RCAN2: variants seen among roughly 807,000 people sequenced by gnomAD.
RCAN2 encodes calcipressin-2.
A neutral mutation model predicts 23.6 loss-of-function variants in RCAN2; 9 were observed. The observed-to-expected ratio is 0.38, with a 90% CI of 0.23 to 0.67. The LOEUF (loss-of-function observed/expected upper bound fraction) is 0.67, where lower values mean the gene tolerates loss of function less well. Ranked by LOEUF, RCAN2 falls within the 30% of genes least tolerant of loss-of-function variation. The pLI is 0.51. For missense variants in RCAN2, 273 were observed against 302.3 expected (o/e 0.90, Z 0.72); for synonymous variants, 109 against 115.7 (o/e 0.94, Z 0.37).
rs1765483425 is a variant in RCAN2, at chr6:46,221,780, A to G, written c.*1361T>C. ...CCACTCCATTGTAATCTGCGTTTGC[A>G]TCTAAAGTAATTCATTAATGTACAG... On this transcript the variant is annotated 3_prime_UTR_variant, in exon 5 of 5. Coordinates refer to ENST00000371374, the MANE Select transcript of RCAN2 (RefSeq NM_001251974.2). 1 of 395,778 alleles carries G rather than the reference A, an allele frequency of 2.5e-6. No individual in the cohort carries two copies. Among genetic ancestry groups the G allele is most frequent in the Non-Finnish European group, 4.5e-6 (1 of 224,600 alleles). The allele number at this position is 395,778 out of a possible 1,614,324, so 24.5% of individuals were successfully genotyped here. A position where few individuals can be genotyped will look rare whatever the true frequency, so the allele number is the denominator to read the frequency against.
intron 4 of RCAN2, among the ~76,000 whole-genome samples, chr6:46,228,102 T>C (rs1765742410): frequency 6.6e-6 from 1 of 152,252 alleles, no homozygotes; most frequent in Admixed American, 6.5e-5. Context: ...AGTTTCTTAA[T>C]CCTGAATTCT....
At chr6:46,362,887 G>T (rs1040778309) in intron 2 of RCAN2, among the ~76,000 whole-genome samples, 1 of 152,164 alleles carries the variant, frequency 6.6e-6, no homozygotes, top group Non-Finnish European at 1.5e-5. Context: ...CTTATCAGGG[G>T]ATGAAGCATT....
chr6:46,447,689 A>G (rs1767754610), intron 2 of RCAN2, among the ~76,000 whole-genome samples: 1 of 151,962 alleles, frequency 6.6e-6, no homozygotes, highest in Admixed American at 6.6e-5. Flanking sequence ...GAACAATAAC[A>G]GAAAGAATTT....
At chr6:46,318,688 A>G (rs1461657214) in intron 2 of RCAN2, among the ~76,000 whole-genome samples, 1 of 152,140 alleles carries the variant, frequency 6.6e-6, no homozygotes, top group Non-Finnish European at 1.5e-5. Flanking sequence ...AGGATCCAGA[A>G]AAAACCTTCT....
intron 2 of RCAN2, among the ~76,000 whole-genome samples, chr6:46,405,436 G>A (rs1766370834): frequency 6.6e-6 from 1 of 152,148 alleles, no homozygotes; most frequent in Non-Finnish European, 1.5e-5. Context: ...GAGCCCAGTG[G>A]CCTGTTTTGT....
chr6:46,358,492 AG>A (rs1414957537), intron 2 of RCAN2, among the ~76,000 whole-genome samples: 3 of 152,100 alleles, frequency 2.0e-5, no homozygotes, highest in Non-Finnish European at 2.9e-5. Flanking sequence ...GCCCAGGAGG[AG>A]GGGGAACATC....
At chr6:46,236,092 C>T (rs997223369) in intron 4 of RCAN2, among the ~76,000 whole-genome samples, 5 of 152,256 alleles carry the variant, frequency 3.3e-5, no homozygotes, top group Admixed American at 1.3e-4. Context: ...CCACTGTTGC[C>T]CCCAAGTAAT....
At chr6:46,488,715 T>C (rs1769060470) in intron 1 of RCAN2, among the ~76,000 whole-genome samples, 1 of 152,192 alleles carries the variant, frequency 6.6e-6, no homozygotes, top group South Asian at 2.1e-4. Flanking sequence ...ACTCCCTCAG[T>C]TAAAAGCCTG....
chr6:46,267,332 A>C (rs1374392477), intron 2 of RCAN2, among the ~76,000 whole-genome samples: 1 of 152,222 alleles, frequency 6.6e-6, no homozygotes, highest in Non-Finnish European at 1.5e-5. Context: ...CACTGTTAAT[A>C]TTTTTATTAA....
rs189869601 is a variant in RCAN2, at chr6:46,482,704, A to G, written c.-3+8469T>C. Among the ~76,000 whole-genome samples the G allele has an allele frequency of 1.5e-3, 223 of 152,330 alleles. 1 individual carries two copies. Among genetic ancestry groups the G allele is most frequent in the African/African-American group, 5.0e-3 (209 of 41,570 alleles). ...TCAGATAAAATAACCTTCTCATAGT[A>G]TCACACCTTGGCTTGAACTGTAAGC... On this transcript the variant is annotated intron_variant, in intron 1 of 4. Transcript: ENST00000371374.
chr6:46,337,244 C>T lies in RCAN2; in HGVS notation c.226-88348G>A, dbSNP rs537365637. Among the ~76,000 whole-genome samples the T allele has an allele frequency of 1.4e-4, 22 of 152,150 alleles. 1 individual carries two copies. The South Asian group carries it at 4.6e-3, about 32-fold the overall frequency. Reference sequence around the variant, plus strand: ...GGTAAGAGATACTCGTTTTTATTGGCACTAATTAAGGAAGAATATTATTGC... The same window carrying T: ...GGTAAGAGATACTCGTTTTTATTGGTACTAATTAAGGAAGAATATTATTGC... On this transcript the variant is annotated intron_variant, in intron 2 of 4. Transcript: ENST00000371374.
chr6:46,480,227 G>T (rs1043067075), intron 1 of RCAN2, among the ~76,000 whole-genome samples: 2 of 152,168 alleles, frequency 1.3e-5, no homozygotes, highest in African/African-American at 2.4e-5. Context: ...CTGATCCTCA[G>T]TTTCCTCATC....
At chr6:46,468,566 G>A (rs1561918205) in intron 1 of RCAN2, among the ~76,000 whole-genome samples, 1 of 152,178 alleles carries the variant, frequency 6.6e-6, no homozygotes, top group Non-Finnish European at 1.5e-5. Context: ...GTCTGCACAT[G>A]TGTTGTTATT....
chr6:46,396,464 G>A (rs1001283979), intron 2 of RCAN2, among the ~76,000 whole-genome samples: 21 of 152,156 alleles, frequency 1.4e-4, no homozygotes, highest in Non-Finnish European at 1.0e-4. Context: ...CAAAAGACCC[G>A]TATTTGACCC....
At chr6:46,356,015 A>G (rs1370934171) in intron 2 of RCAN2, among the ~76,000 whole-genome samples, 1 of 152,212 alleles carries the variant, frequency 6.6e-6, no homozygotes, top group Non-Finnish European at 1.5e-5. Context: ...GGGAGGATAC[A>G]GAGTGACTTT....
chr6:46,347,328 T>C (rs891978034), intron 2 of RCAN2, among the ~76,000 whole-genome samples: 1 of 152,208 alleles, frequency 6.6e-6, no homozygotes, highest in Non-Finnish European at 1.5e-5. Flanking sequence ...ACACATGTAA[T>C]GTACATCAGG....
chr6:46,275,568 C>CT (rs1332208796), intron 2 of RCAN2, among the ~76,000 whole-genome samples: 66 of 151,918 alleles, frequency 4.3e-4, no homozygotes, highest in South Asian at 1.5e-3. Context: ...ATCATAAAAT[C>CT]TTTTTTGTTG....
At chr6:46,395,135 A>C (rs975849053) in intron 2 of RCAN2, among the ~76,000 whole-genome samples, 1 of 152,166 alleles carries the variant, frequency 6.6e-6, no homozygotes, top group Non-Finnish European at 1.5e-5. Context: ...CTTGACATCA[A>C]GTAGGCATGT....
intron 2 of RCAN2, among the ~76,000 whole-genome samples, chr6:46,370,060 C>G (rs749049801): frequency 2.6e-5 from 4 of 152,186 alleles, no homozygotes; most frequent in Non-Finnish European, 4.4e-5. Context: ...CTGTGGTTAA[C>G]AGCTCTTAAC....
Sources: allele counts gnomAD v4.1 joint callset (sites outside exome capture counted in the v4.1 genomes callset), GRCh38; gene constraint gnomAD v4.1.1; transcripts MANE v1.5; gene names NCBI Gene and HGNC (gene_info 2026-07-23, HGNC 2026-07-21).